The following KCNMA1 variants were observed in gnomAD, a reference collection of about 807,000 sequenced individuals.
KCNMA1 encodes Calcium-activated potassium channel subunit alpha-1.
In KCNMA1, 29 loss-of-function variants were observed where a neutral mutation model predicts 140.0. That is an observed-to-expected ratio of 0.21 (90% confidence interval 0.15 to 0.28). The LOEUF (loss-of-function observed/expected upper bound fraction) is 0.28. Ranked by LOEUF, KCNMA1 falls within the 10% of genes least tolerant of loss-of-function variation. The probability of loss-of-function intolerance (pLI) is 1.00; values close to 1 mark genes in which losing one functional copy is unlikely to be tolerated. For missense variants in KCNMA1, 880 were observed against 1,602.2 expected, an observed-to-expected ratio of 0.55 and a Z score of 7.70; for synonymous variants, 612 against 611.9, an observed-to-expected ratio of 1.00 and a Z score of 0.00.
intron 1 of KCNMA1, among the ~76,000 whole-genome samples, chr10:77,510,629 C>CAA (rs71305691): frequency 2.2e-4 from 31 of 140,396 alleles, no homozygotes; most frequent in Admixed American, 5.6e-4. Context: ...CCTGTCTCTA[C>CAA]AAAAAAAAAA....
chr10:77,631,572 G>A (rs1180969131), intron 1 of KCNMA1, among the ~76,000 whole-genome samples: 1 of 152,190 alleles, frequency 6.6e-6, no homozygotes, highest in East Asian at 1.9e-4. Flanking sequence ...TTGGGAAGGA[G>A]GTCCTGGCAT....
chr10:77,041,825 A>G (rs969275555), intron 14 of KCNMA1, among the ~76,000 whole-genome samples: 2 of 152,134 alleles, frequency 1.3e-5, no homozygotes, highest in African/African-American at 4.8e-5. Context: ...GCTTGTGCTT[A>G]TCTTGTATTA....
chr10:77,262,750 C>T (rs1565575546), intron 2 of KCNMA1, among the ~76,000 whole-genome samples: 1 of 152,056 alleles, frequency 6.6e-6, no homozygotes, highest in East Asian at 1.9e-4. Context: ...TGCCTTCCGC[C>T]ATGATTGTAA....
intron 2 of KCNMA1, among the ~76,000 whole-genome samples, chr10:77,321,155 T>C (rs1203787026): frequency 5.9e-5 from 9 of 152,240 alleles, no homozygotes; most frequent in Non-Finnish European, 7.3e-5. Context: ...AGTGTAAAGA[T>C]ATGCATTACT....
intron 1 of KCNMA1, among the ~76,000 whole-genome samples, chr10:77,580,604 A>G (rs183678362): frequency 2.5e-4 from 38 of 152,240 alleles, no homozygotes; most frequent in Non-Finnish European, 5.4e-4. Flanking sequence ...CACTTCTAGG[A>G]GGTAGGTGTC....
chr10:77,263,869 C>T (rs897225422), intron 2 of KCNMA1, among the ~76,000 whole-genome samples: 1 of 152,126 alleles, frequency 6.6e-6, no homozygotes, highest in African/African-American at 2.4e-5. Context: ...TAGCATGCCT[C>T]TTTGTTAAGA....
chr10:77,520,223 A>G (rs201006601), intron 1 of KCNMA1, among the ~76,000 whole-genome samples: 145 of 2,412 alleles, frequency 0.06, no homozygotes, highest in East Asian at 0.13. Context: ...TGGGGTATGC[A>G]GTGTGAGGGT....
chr10:76,974,333 C>T, intron 19 of KCNMA1: 5 of 513,074 alleles, frequency 9.7e-6, no homozygotes, highest in Non-Finnish European at 1.4e-5. Flanking sequence ...TACGGTTTTC[C>T]CTTTTGGTAT....
At chr10:77,298,804 C>G (rs191919245) in intron 2 of KCNMA1, among the ~76,000 whole-genome samples, 1 of 152,290 alleles carries the variant, frequency 6.6e-6, no homozygotes, top group East Asian at 1.9e-4. Flanking sequence ...GTGATGGCCA[C>G]CAAACCTTCC....
intron 15 of KCNMA1, among the ~76,000 whole-genome samples, chr10:77,029,856 G>A (rs570804782): frequency 1.9e-4 from 29 of 152,168 alleles, no homozygotes; most frequent in Non-Finnish European, 4.0e-4. Context: ...AAAGTCAAGC[G>A]TGACAGTGAT....
chr10:77,609,880 C>G (rs1477562019), intron 1 of KCNMA1, among the ~76,000 whole-genome samples: 21 of 152,202 alleles, frequency 1.4e-4, no homozygotes, highest in Admixed American at 1.4e-3. Context: ...GAACTCCCCA[C>G]AGCCTGTCAG....
At chr10:77,484,276 G>A (rs545667772) in intron 1 of KCNMA1, among the ~76,000 whole-genome samples, 76 of 152,304 alleles carry the variant, frequency 5.0e-4, no homozygotes, top group African/African-American at 1.7e-3. Context: ...CGTGGGTGTC[G>A]TTATCTACAT....
chr10:77,533,461 C>G (rs1410541676), intron 1 of KCNMA1, among the ~76,000 whole-genome samples: 7 of 152,168 alleles, frequency 4.6e-5, no homozygotes, highest in African/African-American at 1.7e-4. Flanking sequence ...ACAAGCCAAA[C>G]AAGAGGAAGG....
intron 1 of KCNMA1, among the ~76,000 whole-genome samples, chr10:77,569,424 T>C (rs1384003601): frequency 7.3e-6 from 1 of 136,494 alleles, no homozygotes; most frequent in Non-Finnish European, 1.6e-5. Context: ...CCCTCAGAAA[T>C]AACGCTGCAT....
intron 3 of KCNMA1, among the ~76,000 whole-genome samples, chr10:77,227,809 C>T (rs958567409): frequency 2.0e-5 from 3 of 152,076 alleles, no homozygotes; most frequent in Non-Finnish European, 4.4e-5. Flanking sequence ...CCAGCTGTCA[C>T]TTTAAGCAAG....
At chr10:77,359,218 T>A (rs2093741824) in intron 2 of KCNMA1, among the ~76,000 whole-genome samples, 2 of 152,158 alleles carry the variant, frequency 1.3e-5, no homozygotes, top group Admixed American at 1.3e-4. Flanking sequence ...TGTTACCCTA[T>A]TTTGAATCTC....
At chr10:77,129,302 A>G (rs1243074375) in intron 5 of KCNMA1, among the ~76,000 whole-genome samples, 1 of 152,200 alleles carries the variant, frequency 6.6e-6, no homozygotes, top group African/African-American at 2.4e-5. Flanking sequence ...TGTACAGCCA[A>G]GTTTGGGAAT....
chr10:77,464,947 T>C (rs1441194129), intron 1 of KCNMA1, among the ~76,000 whole-genome samples: 1 of 152,160 alleles, frequency 6.6e-6, no homozygotes. Flanking sequence ...AAGTGGCCAA[T>C]TACCTGCCTT....
chr10:77,391,814 A>T (rs1196013961), intron 2 of KCNMA1, among the ~76,000 whole-genome samples: 2 of 151,728 alleles, frequency 1.3e-5, no homozygotes, highest in Admixed American at 6.6e-5. Flanking sequence ...CCCGAGTGTG[A>T]CTTTCCAAGC....
Sources: allele counts gnomAD v4.1 joint callset (sites outside exome capture counted in the v4.1 genomes callset), GRCh38; gene constraint gnomAD v4.1.1; transcripts MANE v1.5; gene names NCBI Gene and HGNC (gene_info 2026-07-23, HGNC 2026-07-21).